GLCE: variants seen among roughly 807,000 people sequenced by gnomAD.
The protein encoded by GLCE is D-glucuronyl C5-epimerase.
In GLCE, 19 loss-of-function variants were observed where a neutral mutation model predicts 47.9. That is an observed-to-expected ratio of 0.40 (90% CI 0.28 to 0.58). The LOEUF is 0.58. Ranked by LOEUF, GLCE falls within the 20% of genes least tolerant of loss-of-function variation. The pLI, the probability that GLCE is intolerant of heterozygous loss-of-function variation, is 0.48. For missense variants in GLCE, 556 were observed against 743.3 expected, an observed-to-expected ratio of 0.75 and a Z score of 2.93; for synonymous variants, 245 against 263.4, an observed-to-expected ratio of 0.93 and a Z score of 0.68.
intron 4 of GLCE, among the ~76,000 whole-genome samples, chr15:69,267,368 G>A (rs1172761024): frequency 6.6e-6 from 1 of 152,108 alleles, no homozygotes; most frequent in Non-Finnish European, 1.5e-5. Flanking sequence ...GCTCAAAGAG[G>A]TGCATCTTGC....
chr15:69,268,672 C>T lies in GLCE; in HGVS notation c.1282C>T (p.Arg428Cys), dbSNP rs770757905. The change falls in exon 5 of 5, where the codon CGT becomes TGT. Residue 428 changes from arginine (R) to cysteine (C), a missense_variant. This residue lies in a region of GLCE where 245 missense variants were observed against 368.1 expected (regional missense o/e 0.67). Transcript: ENST00000261858. ...EKGGWPIMVT[R>C]KLGEGFKSLE... The stretch of plus-strand genomic sequence containing the variant: ...AGGTGGCTGGCCAATTATGGTGACC[C>T]GTAAGTTAGGGGAAGGGTTCAAGTC... The T allele has an allele frequency of 8.7e-6, 14 of 1,613,974 alleles. No homozygotes were observed. Among genetic ancestry groups the T allele is most frequent in the South Asian group, 5.5e-5 (5 of 91,078 alleles).
At chr15:69,165,053 T>A (rs1038119678) in intron 1 of GLCE, among the ~76,000 whole-genome samples, 1 of 152,196 alleles carries the variant, frequency 6.6e-6, no homozygotes, top group Non-Finnish European at 1.5e-5. Context: ...TTAGAAATGT[T>A]ACTGAGATTT....
At chr15:69,227,907 T>C (rs535366179) in intron 2 of GLCE, among the ~76,000 whole-genome samples, 1 of 152,348 alleles carries the variant, frequency 6.6e-6, no homozygotes, top group Non-Finnish European at 1.5e-5. Context: ...TGACTGCTAG[T>C]AGAAGTAAAT....
chr15:69,168,286 A>G (rs1295234141), intron 1 of GLCE, among the ~76,000 whole-genome samples: 1 of 152,186 alleles, frequency 6.6e-6, no homozygotes. Flanking sequence ...AGTTAAATTA[A>G]ATGAAAAATT....
At position 69,235,323 on chromosome 15, in the gene GLCE, G is replaced by T. The variant is rs1056693131; in HGVS notation, c.-13-20471G>T. Among the ~76,000 whole-genome samples, 4 of 151,576 alleles carry T rather than the reference G, an allele frequency of 2.6e-5. No individual in the cohort carries two copies. In the South Asian group the frequency reaches 6.2e-4, roughly 24 times the overall value. ...AGGTTTCGCCATGTTGGCCAGGCTA[G>T]TCTCAAACTCCTGACCTCATGTGAT... On this transcript the variant is annotated intron_variant, in intron 2 of 4. Transcript: ENST00000261858.
intron 3 of GLCE, among the ~76,000 whole-genome samples, chr15:69,256,686 A>G (rs1172551690): frequency 6.6e-6 from 1 of 152,216 alleles, no homozygotes; most frequent in Non-Finnish European, 1.5e-5. Context: ...AGTTTGCGTT[A>G]AAATATATAG....
intron 1 of GLCE, among the ~76,000 whole-genome samples, chr15:69,204,199 G>T (rs1366920081): frequency 6.6e-6 from 1 of 150,878 alleles, no homozygotes; most frequent in African/African-American, 2.4e-5. Flanking sequence ...TTTCCAGCTT[G>T]CATTCCTCAT....
intron 2 of GLCE, among the ~76,000 whole-genome samples, chr15:69,225,386 A>G (rs1271173042): frequency 6.6e-6 from 1 of 152,174 alleles, no homozygotes; most frequent in East Asian, 1.9e-4. Context: ...CACAGAGTTC[A>G]GCATTCAATT....
At chr15:69,239,508 C>A (rs976234579) in intron 2 of GLCE, among the ~76,000 whole-genome samples, 1 of 152,152 alleles carries the variant, frequency 6.6e-6, no homozygotes, top group African/African-American at 2.4e-5. Context: ...CTGTTCCTCA[C>A]AGGTACAGAT....
Position 69,268,227 on chromosome 15 carries a change from T to C in GLCE, c.837T>C (p.Ser279=). The change falls in exon 5 of 5, where the codon AGT becomes AGC. Residue 279 remains serine (S), a synonymous_variant. Coordinates refer to ENST00000261858, the MANE Select transcript of GLCE (RefSeq NM_015554.3). The stretch of plus-strand genomic sequence containing the variant: ...GTATATTCTCCCCTACAGAAACCAG[T>C]GAAGGTGTATCCTTGCAACTGGGAA... ...NVKQFIAPET[S]EGVSLQLGNT... 6 of 1,594,490 alleles carry C rather than the reference T, an allele frequency of 3.8e-6. No individual in the cohort carries two copies. The highest frequency in any genetic ancestry group is 5.1e-6 in the Non-Finnish European group (6 of 1,169,942).
intron 2 of GLCE, 58 bp from the exon 3 acceptor site, chr15:69,255,736 T>A (rs1366561700): frequency 2.1e-6 from 2 of 940,922 alleles, no homozygotes; most frequent in Non-Finnish European, 3.2e-6. Flanking sequence ...GAAAACTTTA[T>A]CCTATGAAAT....
chr15:69,194,711 CA>C (rs1323980445), intron 1 of GLCE, among the ~76,000 whole-genome samples: 2 of 152,132 alleles, frequency 1.3e-5, no homozygotes, highest in Non-Finnish European at 2.9e-5. Flanking sequence ...TGTTCTAAAA[CA>C]TTGATCCTGT....
At chr15:69,231,519 G>A (rs1340978500) in intron 2 of GLCE, among the ~76,000 whole-genome samples, 6 of 151,950 alleles carry the variant, frequency 3.9e-5, no homozygotes, top group African/African-American at 1.4e-4. Flanking sequence ...TCCTGATCTC[G>A]TGATCCGCCT....
At chr15:69,164,694 T>G (rs534481511) in intron 1 of GLCE, among the ~76,000 whole-genome samples, 5 of 152,206 alleles carry the variant, frequency 3.3e-5, no homozygotes, top group African/African-American at 1.2e-4. Flanking sequence ...CCATGTAATT[T>G]TTACATATTA....
chr15:69,207,682 A>G (rs2052171226), intron 1 of GLCE, among the ~76,000 whole-genome samples: 1 of 152,078 alleles, frequency 6.6e-6, no homozygotes, highest in Non-Finnish European at 1.5e-5. Context: ...GGTTTTGGTG[A>G]TTATGAATAA....
chr15:69,249,055 G>T (rs577423879), intron 2 of GLCE, among the ~76,000 whole-genome samples: 1 of 152,276 alleles, frequency 6.6e-6, no homozygotes, highest in Non-Finnish European at 1.5e-5. Context: ...ACTGAGTAAG[G>T]ACCTAGAGAA....
Position 69,231,306 on chromosome 15 carries a change from T to C in GLCE, c.-14+20900T>C, listed in dbSNP as rs544079695. 6.0e-3 allele frequency among the ~76,000 whole-genome samples: 902 copies of C among 149,716 alleles called. 10 individuals are homozygous for C. Among genetic ancestry groups the C allele is most frequent in the African/African-American group, 0.021 (860 of 40,646 alleles). Reference sequence around the variant, plus strand: ...CAGTCATTTTTTTTTTTTTTTGAGATGGAGTCTCGCTCTGTCGCCCAGGCT... The same window carrying C: ...CAGTCATTTTTTTTTTTTTTTGAGACGGAGTCTCGCTCTGTCGCCCAGGCT... On this transcript the variant is annotated intron_variant, in intron 2 of 4. Coordinates refer to ENST00000261858, the MANE Select transcript of GLCE (RefSeq NM_015554.3).
At chr15:69,265,473 A>G (rs2053072461) in intron 4 of GLCE, among the ~76,000 whole-genome samples, 1 of 152,166 alleles carries the variant, frequency 6.6e-6, no homozygotes, top group African/African-American at 2.4e-5. Context: ...GATTGTTGTG[A>G]AGATTATAAT....
chr15:69,240,837 A>T (rs1411045907), intron 2 of GLCE, among the ~76,000 whole-genome samples: 7 of 152,194 alleles, frequency 4.6e-5, no homozygotes. Context: ...AGGATAGAGT[A>T]CAGAGATCCA....
Sources: allele counts gnomAD v4.1 joint callset (sites outside exome capture counted in the v4.1 genomes callset), GRCh38; gene constraint gnomAD v4.1.1; regional missense constraint gnomAD v4.1.1; transcripts MANE v1.5; gene names NCBI Gene and HGNC (gene_info 2026-07-23, HGNC 2026-07-21).